Variants in ADAMTS12 observed in about 807,000 individuals in gnomAD.
ADAMTS12 encodes A disintegrin and metalloproteinase with thrombospondin motifs 12.
ADAMTS12 carries 118 observed loss-of-function variants against 167.8 expected under a neutral mutation model. The observed-to-expected ratio is 0.70, with a 90% CI of 0.61 to 0.82. The LOEUF is 0.82. ADAMTS12 is among the 40% of genes least tolerant of loss of function. ADAMTS12 has a pLI of 0.00. For missense variants in ADAMTS12, 1,916 were observed against 1,998.8 expected, an observed-to-expected ratio of 0.96 and a Z score of 0.79; for synonymous variants, 704 against 716.9, an observed-to-expected ratio of 0.98 and a Z score of 0.29.
intron 5 of ADAMTS12, 111 bp from the exon 6 acceptor site, chr5:33,662,151 T>G (rs936723615): frequency 2.2e-6 from 3 of 1,393,198 alleles, no homozygotes; most frequent in African/African-American, 2.8e-5. Flanking sequence ...TCAGGGTGGG[T>G]GCATCAGACA....
chr5:33,647,325 A>C (rs1490570112), intron 9 of ADAMTS12, among the ~76,000 whole-genome samples: 1 of 152,184 alleles, frequency 6.6e-6, no homozygotes, highest in Non-Finnish European at 1.5e-5. Context: ...ATGGATTTCC[A>C]TTTATAAAGG....
chr5:33,638,765 A>G (rs1740308598), intron 11 of ADAMTS12, among the ~76,000 whole-genome samples: 1 of 152,190 alleles, frequency 6.6e-6, no homozygotes, highest in South Asian at 2.1e-4. Flanking sequence ...GGAGGCTCTT[A>G]ATAGATATTC....
At chr5:33,611,607 A>G (rs1316292235) in intron 16 of ADAMTS12, among the ~76,000 whole-genome samples, 1 of 152,234 alleles carries the variant, frequency 6.6e-6, no homozygotes, top group Non-Finnish European at 1.5e-5. Flanking sequence ...GAATATTTAT[A>G]TTCTTTGAAC....
At position 33,637,762 on chromosome 5, in the gene ADAMTS12, AC is replaced by A. The variant is rs1456005053; in HGVS notation, c.1719-17del. ...AAACTTTGGCCTGCAAATGAAACAGACAAGCTTTTCTTTTAGTTTGCTTCAA... is the reference window on the plus strand; with the variant it reads ...AAACTTTGGCCTGCAAATGAAACAGAAAGCTTTTCTTTTAGTTTGCTTCAA... On this transcript the variant is annotated splice_polypyrimidine_tract_variant and intron_variant, in intron 11 of 23. Transcript: ENST00000504830. The A allele has an allele frequency of 6.2e-7, 1 of 1,610,682 alleles. No individual in the cohort carries two copies. The highest frequency in any genetic ancestry group is 1.7e-4 in the Middle Eastern group (1 of 6,026).
chr5:33,550,311 G>A (rs1244544436), intron 20 of ADAMTS12, among the ~76,000 whole-genome samples: 1 of 152,166 alleles, frequency 6.6e-6, no homozygotes. Context: ...ATCATAACTT[G>A]TGCTTCTAGG....
At chr5:33,802,012 G>C (rs1209115400) in intron 2 of ADAMTS12, among the ~76,000 whole-genome samples, 2 of 152,220 alleles carry the variant, frequency 1.3e-5, no homozygotes, top group Non-Finnish European at 2.9e-5. Context: ...GAGCCCTCAT[G>C]AATGAGATCA....
chr5:33,654,477 A>C (rs1365108553), intron 7 of ADAMTS12, among the ~76,000 whole-genome samples: 1 of 152,264 alleles, frequency 6.6e-6, no homozygotes, highest in Non-Finnish European at 1.5e-5. Context: ...AATACTGCCA[A>C]GCCTCTATAG....
chr5:33,547,662 G>A (rs1288795494), intron 21 of ADAMTS12, among the ~76,000 whole-genome samples: 2 of 152,100 alleles, frequency 1.3e-5, no homozygotes, highest in Non-Finnish European at 2.9e-5. Flanking sequence ...CTCAAAACAG[G>A]GCAATTTAGA....
chr5:33,566,719 A>G (rs1190396358), intron 19 of ADAMTS12, among the ~76,000 whole-genome samples: 2 of 152,168 alleles, frequency 1.3e-5, no homozygotes, highest in Non-Finnish European at 2.9e-5. Flanking sequence ...CTAGATATTC[A>G]CCATAATCCT....
At chr5:33,711,817 A>C (rs2112318515) in intron 3 of ADAMTS12, among the ~76,000 whole-genome samples, 1 of 152,298 alleles carries the variant, frequency 6.6e-6, no homozygotes, top group East Asian at 1.9e-4. Context: ...GAGTGACCCT[A>C]AGGATATGTG....
rs545035459 is a variant in ADAMTS12, at chr5:33,812,163, C to T, written c.490-60615G>A. ...AAATAGCCAGTCTTGGTGATATGTGCCTGTGGTCCCAGCTACTTGGGAGGC... is the reference window on the plus strand; with the variant it reads ...AAATAGCCAGTCTTGGTGATATGTGTCTGTGGTCCCAGCTACTTGGGAGGC... On this transcript the variant is annotated intron_variant, in intron 2 of 23. Transcript: ENST00000504830. Among the ~76,000 whole-genome samples, 6 of 152,186 alleles carry T rather than the reference C, an allele frequency of 3.9e-5. No homozygotes were observed. In the South Asian group the frequency reaches 1.2e-3, roughly 32 times the overall value.
intron 11 of ADAMTS12, among the ~76,000 whole-genome samples, chr5:33,640,098 G>C (rs569065427): frequency 1.4e-4 from 22 of 152,276 alleles, no homozygotes; most frequent in Non-Finnish European, 2.6e-4. Flanking sequence ...GTTCTCACTA[G>C]ACAGTTGACC....
intron 5 of ADAMTS12, among the ~76,000 whole-genome samples, chr5:33,676,713 G>C (rs367760324): frequency 3.3e-3 from 247 of 75,824 alleles, no homozygotes; most frequent in Middle Eastern, 0.016. Context: ...CACACAGAGA[G>C]AGAGAGAGAG....
intron 2 of ADAMTS12, among the ~76,000 whole-genome samples, chr5:33,836,042 G>C (rs1748514197): frequency 6.6e-6 from 1 of 151,752 alleles, no homozygotes; most frequent in African/African-American, 2.4e-5. Flanking sequence ...CTCAGCAAAT[G>C]TATGGATGTT....
In ADAMTS12 at chr5:33,670,167, T is replaced by A. The variant is rs982954171; in HGVS notation, c.916-8127A>T. ...CTCAACACTCAACAATAAAAAAAAA[T>A]AAGAAAATAGGCAAATATCATAAAG... On this transcript the variant is annotated intron_variant, in intron 5 of 23. Coordinates refer to ENST00000504830, the MANE Select transcript of ADAMTS12 (RefSeq NM_030955.4). Among the ~76,000 whole-genome samples the A allele has an allele frequency of 2.4e-5, 3 of 124,884 alleles. No homozygotes were observed. In the East Asian group the frequency reaches 7.7e-4, roughly 32 times the overall value. The allele number at this position is 124,884 out of a possible 152,430, so 81.9% of individuals were successfully genotyped here.
chr5:33,822,780 T>C (rs1296571635), intron 2 of ADAMTS12, among the ~76,000 whole-genome samples: 1 of 152,018 alleles, frequency 6.6e-6, no homozygotes, highest in Admixed American at 6.6e-5. Context: ...ATAAAAAACA[T>C]CATTGCACAG....
chr5:33,565,326 A>T (rs963510509), intron 19 of ADAMTS12, among the ~76,000 whole-genome samples: 6 of 151,700 alleles, frequency 4.0e-5, no homozygotes, highest in Admixed American at 2.6e-4. Flanking sequence ...TAATTTTTAT[A>T]TTTTTTTTGT....
At chr5:33,574,015 A>G (rs1746531967) in intron 19 of ADAMTS12, among the ~76,000 whole-genome samples, 2 of 152,248 alleles carry the variant, frequency 1.3e-5, no homozygotes, top group African/African-American at 4.8e-5. Flanking sequence ...ATCACTGGCC[A>G]TCAGACAAAT....
At chr5:33,541,322 T>A (rs112679346) in intron 22 of ADAMTS12, among the ~76,000 whole-genome samples, 13,664 of 152,112 alleles carry the variant, frequency 0.09, 711 homozygotes, top group Non-Finnish European at 0.11. Context: ...CTCCAAGAAA[T>A]ATGGGACTAT....
Sources: allele counts gnomAD v4.1 joint callset (sites outside exome capture counted in the v4.1 genomes callset), GRCh38; gene constraint gnomAD v4.1.1; transcripts MANE v1.5; gene names NCBI Gene and HGNC (gene_info 2026-07-23, HGNC 2026-07-21).